The following SRBD1 variants were observed in gnomAD, a reference collection of about 807,000 sequenced individuals.
SRBD1 encodes the protein S1 RNA binding domain 1, also known as S1 RNA-binding domain-containing protein 1.
A neutral mutation model predicts 115.3 loss-of-function variants in SRBD1; 88 were observed. That is an observed-to-expected ratio of 0.76 (90% confidence interval 0.64 to 0.91). The LOEUF is 0.91. Ranked by LOEUF, SRBD1 falls within the 40% of genes least tolerant of loss-of-function variation. SRBD1 has a pLI of 0.00. For missense variants in SRBD1, 1,385 were observed against 1,177.4 expected (o/e 1.18, Z -2.58); for synonymous variants, 509 against 407.7 (o/e 1.25, Z -2.99).
At chr2:45,454,177 AGATTTTAT>A (rs1383686774) in intron 16 of SRBD1, among the ~76,000 whole-genome samples, 1 of 151,900 alleles carries the variant, frequency 6.6e-6, no homozygotes, top group African/African-American at 2.4e-5. Flanking sequence ...ATCTTGCCTA[AGATTTTAT>A]TTGAATTTCT....
intron 18 of SRBD1, among the ~76,000 whole-genome samples, chr2:45,415,484 T>C (rs948939391): frequency 2.1e-5 from 3 of 145,816 alleles, no homozygotes; most frequent in East Asian, 2.1e-4. Flanking sequence ...ATTTTATATA[T>C]ATGGAGGAGT....
At chr2:45,458,627 T>C (rs978312713) in intron 16 of SRBD1, among the ~76,000 whole-genome samples, 6 of 152,140 alleles carry the variant, frequency 3.9e-5, no homozygotes, top group Non-Finnish European at 7.4e-5. Flanking sequence ...CAGAACAAAA[T>C]CTGTCCTGTT....
At chr2:45,449,814 G>A (rs1307591688) in intron 16 of SRBD1, among the ~76,000 whole-genome samples, 2 of 152,116 alleles carry the variant, frequency 1.3e-5, no homozygotes, top group African/African-American at 2.4e-5. Flanking sequence ...CAGTTAACAC[G>A]AACTAGAGTC....
chr2:45,458,566 G>A (rs953778956), intron 16 of SRBD1, among the ~76,000 whole-genome samples: 6 of 152,078 alleles, frequency 3.9e-5, no homozygotes, highest in Non-Finnish European at 8.8e-5. Flanking sequence ...TTAGAACAGT[G>A]TTTTAAGAAA....
intron 19 of SRBD1, among the ~76,000 whole-genome samples, chr2:45,411,429 G>T (rs918602770): frequency 6.6e-6 from 1 of 152,156 alleles, no homozygotes; most frequent in African/African-American, 2.4e-5. Flanking sequence ...CTACAACATG[G>T]ATAAATCTCT....
At chr2:45,400,208 T>C (rs1194798348) in intron 19 of SRBD1, among the ~76,000 whole-genome samples, 2 of 152,150 alleles carry the variant, frequency 1.3e-5, no homozygotes, top group Admixed American at 1.3e-4. Flanking sequence ...ATGGTGACAC[T>C]GAGAATCAGA....
chr2:45,456,528 TA>T (rs983472337), intron 16 of SRBD1, among the ~76,000 whole-genome samples: 2 of 152,034 alleles, frequency 1.3e-5, no homozygotes, highest in African/African-American at 4.8e-5. Flanking sequence ...TAACCAATGT[TA>T]AAAAATATAT....
At chr2:45,606,008 G>T (rs1674260927) in intron 1 of SRBD1, among the ~76,000 whole-genome samples, 1 of 151,814 alleles carries the variant, frequency 6.6e-6, no homozygotes, top group Non-Finnish European at 1.5e-5. Flanking sequence ...CTCCTACAGG[G>T]TGACACCTGT....
At chr2:45,609,001 T>C (rs1013644447) in intron 1 of SRBD1, among the ~76,000 whole-genome samples, 2 of 151,884 alleles carry the variant, frequency 1.3e-5, no homozygotes, top group African/African-American at 2.4e-5. Flanking sequence ...AGAGACGGGG[T>C]TCGTCACGTT....
intron 10 of SRBD1, among the ~76,000 whole-genome samples, chr2:45,561,746 T>C (rs530397309): frequency 2.6e-5 from 4 of 152,296 alleles, no homozygotes; most frequent in African/African-American, 9.6e-5. Context: ...TAAAAAGTAT[T>C]ATACAAACAT....
chr2:45,601,194 G>T (rs1454073672), intron 3 of SRBD1, among the ~76,000 whole-genome samples: 1 of 152,126 alleles, frequency 6.6e-6, no homozygotes, highest in Non-Finnish European at 1.5e-5. Flanking sequence ...AGACCACAGT[G>T]GACATTCAAT....
At chr2:45,551,942 C>T (rs1055600583) in intron 11 of SRBD1, among the ~76,000 whole-genome samples, 5 of 152,028 alleles carry the variant, frequency 3.3e-5, no homozygotes, top group East Asian at 1.9e-4. Flanking sequence ...TCATCTATGA[C>T]GCTAGTTCAG....
At chr2:45,540,833 C>T (rs1488051089) in intron 14 of SRBD1, among the ~76,000 whole-genome samples, 2 of 152,228 alleles carry the variant, frequency 1.3e-5, no homozygotes, top group Non-Finnish European at 2.9e-5. Context: ...TACATATCCA[C>T]TAGGGCAGCT....
At chr2:45,559,578 T>C (rs999947133) in intron 10 of SRBD1, among the ~76,000 whole-genome samples, 14 of 151,992 alleles carry the variant, frequency 9.2e-5, no homozygotes, top group African/African-American at 3.1e-4. Flanking sequence ...CTCCAAAATC[T>C]AGCACATAAC....
intron 14 of SRBD1, among the ~76,000 whole-genome samples, chr2:45,514,847 T>A (rs1424122786): frequency 6.6e-6 from 1 of 152,178 alleles, no homozygotes; most frequent in East Asian, 1.9e-4. Context: ...AACTTCCTTA[T>A]ACCTTACAAA....
intron 8 of SRBD1, among the ~76,000 whole-genome samples, chr2:45,574,095 G>A (rs148275384): frequency 6.6e-6 from 1 of 152,026 alleles, no homozygotes; most frequent in Admixed American, 6.6e-5. Flanking sequence ...GAAGGCTCTA[G>A]GTCAAAGATC....
rs911092912 is a variant in SRBD1, at chr2:45,434,980, C to T, written c.2050-15086G>A. ...GTTCCCCGCCCTGTGTCCACGTGTT[C>T]TCATCGTTCAATTCCCACCTATGAC... On this transcript the variant is annotated intron_variant, in intron 16 of 20. Transcript: ENST00000263736. Among the ~76,000 whole-genome samples the T allele has an allele frequency of 3.3e-5, 5 of 151,446 alleles. No individual in the cohort carries two copies. The East Asian group carries it at 9.8e-4, about 30-fold the overall frequency.
intron 4 of SRBD1, 71 bp downstream of exon 4, chr2:45,599,378 G>T (rs1558504811): frequency 1.3e-6 from 2 of 1,512,270 alleles, no homozygotes; most frequent in Non-Finnish European, 1.8e-6. Context: ...CCCTTAGACA[G>T]TACAACCCCT....
chr2:45,404,936 T>C (rs913337751), intron 19 of SRBD1, among the ~76,000 whole-genome samples: 1 of 152,112 alleles, frequency 6.6e-6, no homozygotes, highest in Non-Finnish European at 1.5e-5. Context: ...CTCCTCTTCC[T>C]GGAACTCTTT....
Sources: allele counts gnomAD v4.1 joint callset (sites outside exome capture counted in the v4.1 genomes callset), GRCh38; gene constraint gnomAD v4.1.1; transcripts MANE v1.5; gene names NCBI Gene and HGNC (gene_info 2026-07-23, HGNC 2026-07-21).